Variants in NCKAP5 observed in about 807,000 individuals in gnomAD.
The protein encoded by NCKAP5 is NCK associated protein 5.
In NCKAP5, 92 loss-of-function variants were observed where a neutral mutation model predicts 167.0. The observed-to-expected ratio is 0.55, with a 90% CI of 0.47 to 0.66. The LOEUF (loss-of-function observed/expected upper bound fraction) is 0.66. Ranked by LOEUF, NCKAP5 falls within the 30% of genes least tolerant of loss-of-function variation. The pLI is 0.00. For missense variants in NCKAP5, 2,378 were observed against 2,315.0 expected, an observed-to-expected ratio of 1.03 and a Z score of -0.56; for synonymous variants, 891 against 877.4, an observed-to-expected ratio of 1.02 and a Z score of -0.27.
At chr2:133,175,382 T>C (rs928591399) in intron 5 of NCKAP5, among the ~76,000 whole-genome samples, 14 of 152,218 alleles carry the variant, frequency 9.2e-5, no homozygotes, top group Non-Finnish European at 1.3e-4. Context: ...CATCAGTCTT[T>C]TGTTGCATCC....
the NCKAP5 span, among the ~76,000 whole-genome samples, chr2:133,621,536 A>G: frequency 1.4e-4 from 22 of 152,238 alleles, no homozygotes; most frequent in Admixed American, 8.5e-4. Flanking sequence ...AGATGGATAA[A>G]TTCCTGGAAA....
intron 6 of NCKAP5, among the ~76,000 whole-genome samples, chr2:133,121,473 G>A (rs1248587925): frequency 6.6e-6 from 1 of 152,154 alleles, no homozygotes; most frequent in African/African-American, 2.4e-5. Flanking sequence ...GGCCGGCAGA[G>A]TCTCCTTTCT....
intron 11 of NCKAP5, among the ~76,000 whole-genome samples, chr2:132,845,977 T>C (rs906507333): frequency 6.6e-6 from 1 of 152,186 alleles, no homozygotes; most frequent in Admixed American, 6.5e-5. Context: ...TTCATTCATT[T>C]AGATCTTACA....
intron 6 of NCKAP5, among the ~76,000 whole-genome samples, chr2:133,128,947 T>G (rs1179600263): frequency 1.9e-4 from 3 of 15,814 alleles, no homozygotes; most frequent in African/African-American, 1.6e-3. Flanking sequence ...ACTCACTGAT[T>G]TTTTTTTTTT....
intron 4 of NCKAP5, among the ~76,000 whole-genome samples, chr2:133,276,211 A>G (rs1371416249): frequency 2.0e-5 from 3 of 152,148 alleles, no homozygotes; most frequent in Non-Finnish European, 4.4e-5. Flanking sequence ...AGTATATAAC[A>G]CACATAACAT....
At chr2:133,294,097 C>T (rs1299817986) in intron 4 of NCKAP5, among the ~76,000 whole-genome samples, 1 of 152,228 alleles carries the variant, frequency 6.6e-6, no homozygotes, top group African/African-American at 2.4e-5. Flanking sequence ...ACTGAGCTCT[C>T]TCTTTGTTTG....
At chr2:133,596,331 A>T in the NCKAP5 span, 3 of 152,600 alleles carry the variant, frequency 2.0e-5, no homozygotes, top group Admixed American at 2.0e-4. Context: ...AGCTCTCAAA[A>T]ACAGGTAGTG....
At chr2:133,361,301 C>T (rs752873900) in intron 3 of NCKAP5, among the ~76,000 whole-genome samples, 2 of 152,164 alleles carry the variant, frequency 1.3e-5, no homozygotes, top group South Asian at 4.2e-4. Flanking sequence ...GAAAGGAGGG[C>T]AATTTGGAGA....
chr2:133,650,937 T>C, the NCKAP5 span, among the ~76,000 whole-genome samples: 1 of 151,834 alleles, frequency 6.6e-6, no homozygotes, highest in Admixed American at 6.6e-5. Context: ...AGAAAGACCA[T>C]CTCCTCAACA....
intron 6 of NCKAP5, among the ~76,000 whole-genome samples, chr2:133,042,625 C>A (rs1424886447): frequency 6.6e-6 from 1 of 152,174 alleles, no homozygotes; most frequent in Non-Finnish European, 1.5e-5. Flanking sequence ...AATAGCTACT[C>A]TATAAACTGA....
intron 4 of NCKAP5, among the ~76,000 whole-genome samples, chr2:133,259,561 G>T (rs1422472876): frequency 6.6e-6 from 1 of 152,138 alleles, no homozygotes; most frequent in African/African-American, 2.4e-5. Flanking sequence ...ATGTAATTTA[G>T]CAGAGTGACT....
intron 19 of NCKAP5, among the ~76,000 whole-genome samples, chr2:132,712,513 G>T (rs890029421): frequency 1.3e-5 from 2 of 152,110 alleles, no homozygotes; most frequent in Non-Finnish European, 2.9e-5. Context: ...TTAGCCGGGT[G>T]TAGAGGCGGG....
intron 2 of NCKAP5, among the ~76,000 whole-genome samples, chr2:133,521,933 G>C (rs1684512232): frequency 6.6e-6 from 1 of 152,128 alleles, no homozygotes; most frequent in African/African-American, 2.4e-5. Context: ...GCTTATGGTG[G>C]CTACCTCCAG....
At chr2:132,947,105 A>G (rs1697810010) in intron 8 of NCKAP5, among the ~76,000 whole-genome samples, 1 of 152,206 alleles carries the variant, frequency 6.6e-6, no homozygotes, top group African/African-American at 2.4e-5. Context: ...CATATGCTCA[A>G]TGTGCATTCA....
At chr2:133,219,427 C>T (rs970748631) in intron 4 of NCKAP5, among the ~76,000 whole-genome samples, 1 of 152,170 alleles carries the variant, frequency 6.6e-6, no homozygotes, top group South Asian at 2.1e-4. Context: ...GCAGGAAATG[C>T]AACCTATTAG....
At chr2:132,961,801 A>C (rs1443879515) in intron 8 of NCKAP5, among the ~76,000 whole-genome samples, 2 of 152,252 alleles carry the variant, frequency 1.3e-5, no homozygotes, top group African/African-American at 4.8e-5. Context: ...CTGTAGTCAT[A>C]AACAAAAACT....
At chr2:132,935,980 C>CT (rs200071013) in intron 8 of NCKAP5, among the ~76,000 whole-genome samples, 172 of 141,758 alleles carry the variant, frequency 1.2e-3, no homozygotes, top group South Asian at 4.7e-3. Context: ...TATTTTTTTT[C>CT]TTTTTTTTTT....
chr2:133,360,408 C>T (rs1247422802), intron 3 of NCKAP5, among the ~76,000 whole-genome samples: 1 of 151,246 alleles, frequency 6.6e-6, no homozygotes, highest in Non-Finnish European at 1.5e-5. Flanking sequence ...GTGGTTTTCA[C>T]TCATGATAAT....
intron 6 of NCKAP5, 60 bp from the exon 7 acceptor site, chr2:132,994,299 T>C: frequency 8.1e-7 from 1 of 1,241,858 alleles, no homozygotes; most frequent in Admixed American, 2.3e-5. Context: ...ACGGATCCAC[T>C]CGAGTTGTAG....
Sources: allele counts gnomAD v4.1 joint callset (sites outside exome capture counted in the v4.1 genomes callset), GRCh38; gene constraint gnomAD v4.1.1; transcripts MANE v1.5; gene names NCBI Gene and HGNC (gene_info 2026-07-23, HGNC 2026-07-21).